ZNF292: variants seen among roughly 807,000 people sequenced by gnomAD.
ZNF292 encodes the protein 16 zinc-finger domain protein.
A neutral mutation model predicts 217.9 loss-of-function variants in ZNF292; 26 were observed. That is an observed-to-expected ratio of 0.12 (90% CI 0.09 to 0.17). The LOEUF (loss-of-function observed/expected upper bound fraction) is 0.17. ZNF292 is among the 10% of genes least tolerant of loss of function. The probability of loss-of-function intolerance (pLI) is 1.00; values close to 1 mark genes in which losing one functional copy is unlikely to be tolerated. For synonymous variants in ZNF292, 1,257 were observed against 1,124.1 expected, an observed-to-expected ratio of 1.12 and a Z score of -2.37; for missense variants, 2,904 against 3,175.2, an observed-to-expected ratio of 0.91 and a Z score of 2.05.
At chr6:87,165,301 CAAAG>C (rs1358670781) in intron 1 of ZNF292, among the ~76,000 whole-genome samples, 1 of 152,234 alleles carries the variant, frequency 6.6e-6, no homozygotes, top group African/African-American at 2.4e-5. Context: ...TTGCAGAAAT[CAAAG>C]AGAGTAAGTC....
chr6:87,258,831 T>A lies in ZNF292; in HGVS notation c.5202T>A (p.Asn1734Lys), dbSNP rs761720353. ...GTGATTCCCAAATGATGGCTTTGAA[T>A]TCATGCACAACTTCAATAAATTCTG... ...ENGDSQMMALNSCTTSINSDL... is the reference protein window; with the variant it reads ...ENGDSQMMALKSCTTSINSDL... Residue 1734 changes from asparagine to lysine, a missense_variant, in exon 8 of 8, where the codon AAT becomes AAA. Physicochemically the swap from Asn to Lys is moderately conservative, Grantham distance 94. Around this residue, in one of 15 missense-constraint regions of ZNF292, gnomAD observed 622 missense variants for 573.1 expected, o/e 1.09. Coordinates refer to ENST00000369577, the MANE Select transcript of ZNF292 (RefSeq NM_015021.3). 1.9e-6 allele frequency: 3 copies of A among 1,612,476 alleles called. 1 individual carries two copies. The highest frequency in any genetic ancestry group is 2.7e-5 in the African/African-American group (2 of 75,040).
chr6:87,160,477 G>A (rs1303651102), intron 1 of ZNF292, among the ~76,000 whole-genome samples: 2 of 133,766 alleles, frequency 1.5e-5, no homozygotes, highest in Admixed American at 1.7e-4. Context: ...ATACGTACAT[G>A]TGTTTGTATA....
In ZNF292 at chr6:87,218,625, C is replaced by T; in HGVS notation, c.432C>T (p.Gly144=). 1 of 1,566,304 alleles carries T rather than the reference C, an allele frequency of 6.4e-7. No homozygotes were observed. The highest frequency in any genetic ancestry group is 8.7e-7 in the Non-Finnish European group (1 of 1,155,780). Residue 144 remains glycine (G), a synonymous_variant, in exon 4 of 8, where the codon GGC becomes GGT. Transcript: ENST00000369577. Reference sequence around the variant, plus strand: ...CTCATGAAAAGCTGATGGAGAATGGCAGCTGTGAATTGCATTTTTTAGCTA... The same window carrying T: ...CTCATGAAAAGCTGATGGAGAATGGTAGCTGTGAATTGCATTTTTTAGCTA... ...QVAHEKLMEN[G]SCELHFLATL...
intron 7 of ZNF292, among the ~76,000 whole-genome samples, chr6:87,248,030 A>G (rs1774694963): frequency 6.6e-6 from 1 of 152,206 alleles, no homozygotes; most frequent in Admixed American, 6.5e-5. Flanking sequence ...TCAGAACTCA[A>G]GTTTCATAAA....
intron 1 of ZNF292, chr6:87,170,507 C>G (rs1771064719): frequency 1.3e-5 from 2 of 152,058 alleles, no homozygotes; most frequent in African/African-American, 2.4e-5. Context: ...ATCAGTATAT[C>G]CAGTATTGTG....
intron 4 of ZNF292, among the ~76,000 whole-genome samples, chr6:87,228,887 C>T (rs1184946547): frequency 1.3e-5 from 2 of 151,970 alleles, no homozygotes; most frequent in African/African-American, 4.8e-5. Context: ...TGTTCTTTGT[C>T]AGTTATTTTG....
At chr6:87,174,377 A>G (rs1409383768) in intron 1 of ZNF292, 2 of 110,474 alleles carry the variant, frequency 1.8e-5, no homozygotes, top group East Asian at 2.8e-4. Flanking sequence ...AAAAAATAGA[A>G]TAGGGAAACT....
chr6:87,157,154 A>G (rs558518267), intron 1 of ZNF292, among the ~76,000 whole-genome samples: 1 of 152,218 alleles, frequency 6.6e-6, no homozygotes, highest in Non-Finnish European at 1.5e-5. Flanking sequence ...TATTGTCACA[A>G]ATTATTTGAT....
At chr6:87,217,981 A>C (rs930718642) in intron 3 of ZNF292, among the ~76,000 whole-genome samples, 8 of 152,136 alleles carry the variant, frequency 5.3e-5, no homozygotes, top group African/African-American at 1.9e-4. Flanking sequence ...TGTTCATAGA[A>C]ATTCTCAATA....
At chr6:87,204,554 A>ATTTTTTTTTTTTTTTTTT (rs68087857) in intron 1 of ZNF292, among the ~76,000 whole-genome samples, 2 of 63,640 alleles carry the variant, frequency 3.1e-5, no homozygotes, top group Admixed American at 2.3e-4. Context: ...AACATTTAGG[A>ATTTTTTTTTTTTTTTTTT]TTTTTTTTTT....
At chr6:87,240,112 G>A (rs1562166484) in intron 5 of ZNF292, among the ~76,000 whole-genome samples, 1 of 152,188 alleles carries the variant, frequency 6.6e-6, no homozygotes, top group African/African-American at 2.4e-5. Context: ...CACCTCGGGA[G>A]GCCAAGGCTG....
In ZNF292 at chr6:87,257,805, G is replaced by A. The variant is rs763886758; in HGVS notation, c.4176G>A (p.Gly1392=). ...TTACTAATCCCAGATCACTGGGTGG[G>A]CACTTATCCAAGCGATCTTACTGTA... ...RAFTNPRSLG[G]HLSKRSYCKP... is the part of the protein sequence containing the mutation. The change falls in exon 8 of 8, where the codon GGG becomes GGA. Residue 1392 remains glycine, a synonymous_variant. Transcript: ENST00000369577. The A allele has an allele frequency of 6.2e-7, 1 of 1,613,842 alleles. No homozygotes were observed. Among genetic ancestry groups the A allele is most frequent in the South Asian group, 1.1e-5 (1 of 91,080 alleles).
At chr6:87,184,801 G>A (rs1280107475) in intron 1 of ZNF292, among the ~76,000 whole-genome samples, 2 of 152,160 alleles carry the variant, frequency 1.3e-5, no homozygotes, top group African/African-American at 2.4e-5. Flanking sequence ...TGAAAGCTTC[G>A]AGGACCCTGA....
Position 87,258,473 on chromosome 6 carries a change from C to A in ZNF292, c.4844C>A (p.Thr1615Lys). Residue 1615 changes from threonine (T) to lysine (K), a missense_variant, in exon 8 of 8, where the codon ACA (threonine) becomes AAA (lysine). Coordinates refer to ENST00000369577, the MANE Select transcript of ZNF292 (RefSeq NM_015021.3). ...RVSVISGPQN[T>K]RSSHLNKKGN... ...TCTGTTATAAGTGGTCCTCAGAACA[C>A]AAGATCCAGTCATTTAAATAAAAAG... The A allele has an allele frequency of 6.2e-7, 1 of 1,613,594 alleles. No homozygotes were observed. Among genetic ancestry groups the A allele is most frequent in the Middle Eastern group, 1.6e-4 (1 of 6,062 alleles).
chr6:87,222,251 C>G (rs1212488947), intron 4 of ZNF292, among the ~76,000 whole-genome samples: 1 of 152,114 alleles, frequency 6.6e-6, no homozygotes, highest in Non-Finnish European at 1.5e-5. Flanking sequence ...ATAAAAAGGT[C>G]ATGTCCAGAA....
chr6:87,251,604 T>A (rs1562177097), intron 7 of ZNF292, among the ~76,000 whole-genome samples: 1 of 152,242 alleles, frequency 6.6e-6, no homozygotes, highest in Non-Finnish European at 1.5e-5. Flanking sequence ...TATTTGTGAT[T>A]AACTGTTATG....
intron 7 of ZNF292, among the ~76,000 whole-genome samples, chr6:87,249,651 T>G (rs1332842799): frequency 6.6e-6 from 1 of 152,164 alleles, no homozygotes; most frequent in Non-Finnish European, 1.5e-5. Flanking sequence ...GTGTAATAAC[T>G]CTCTTCATTT....
chr6:87,199,058 T>C (rs573420980), intron 1 of ZNF292, among the ~76,000 whole-genome samples: 1 of 152,332 alleles, frequency 6.6e-6, no homozygotes, highest in South Asian at 2.1e-4. Context: ...GAATAGTAAA[T>C]TTATGTTTAA....
intron 1 of ZNF292, among the ~76,000 whole-genome samples, chr6:87,196,912 G>C (rs951894674): frequency 6.6e-5 from 10 of 152,052 alleles, no homozygotes; most frequent in African/African-American, 2.4e-4. Flanking sequence ...AAGCCAACAG[G>C]GAAAACAATA....
Sources: gnomAD v4.1 joint callset for allele counts (sites outside exome capture counted in the v4.1 genomes callset) on GRCh38, gnomAD v4.1.1 for gene constraint, gnomAD v4.1.1 regional missense constraint, MANE v1.5 for transcripts, NCBI Gene and HGNC (gene_info 2026-07-23, HGNC 2026-07-21) for gene names.